Variants in XPC observed in about 807,000 individuals in gnomAD.
XPC encodes the protein DNA repair protein complementing XP-C cells.
XPC carries 76 observed loss-of-function variants against 95.8 expected under a neutral mutation model. The observed-to-expected ratio is 0.79, with a 90% CI of 0.66 to 0.96. The LOEUF (loss-of-function observed/expected upper bound fraction) is 0.96, where lower values mean the gene tolerates loss of function less well. Among genes scored for constraint, XPC ranks in the 40% least tolerant of loss-of-function variants. The pLI, the probability that XPC is intolerant of heterozygous loss-of-function variation, is 0.00. For synonymous variants in XPC, 442 were observed against 442.1 expected (o/e 1.00, Z 0.00); for missense variants, 1,146 against 1,179.8 (o/e 0.97, Z 0.42).
intron 9 of XPC, among the ~76,000 whole-genome samples, chr3:14,157,287 C>T (rs1695955366): frequency 6.6e-6 from 1 of 152,118 alleles, no homozygotes. Context: ...ATGCATTGCA[C>T]TCCTATAGGA....
chr3:14,176,439 T>C (rs111956892), intron 1 of XPC, among the ~76,000 whole-genome samples: 3 of 152,358 alleles, frequency 2.0e-5, no homozygotes, highest in African/African-American at 7.2e-5. Context: ...TTCCACAATA[T>C]TTAGCACACT....
intron 6 of XPC, 48 bp downstream of exon 6, chr3:14,165,380 C>A: frequency 6.6e-7 from 1 of 1,525,614 alleles, no homozygotes; most frequent in Non-Finnish European, 8.8e-7. Flanking sequence ...CTGAGAGAAA[C>A]ACAAATCCTA....
At chr3:14,162,530 T>C (rs185549396) in intron 7 of XPC, among the ~76,000 whole-genome samples, 370 of 152,246 alleles carry the variant, frequency 2.4e-3, no homozygotes, top group Non-Finnish European at 3.6e-3. Context: ...CCAAGCCCCA[T>C]TGAAAAAATT....
chr3:14,157,875 T>C (rs1455831867), intron 9 of XPC, 136 bp downstream of exon 9: 1 of 1,284,344 alleles, frequency 7.8e-7, no homozygotes, highest in Non-Finnish European at 1.1e-6. Context: ...CCCAGCTTTA[T>C]ATGGCTGTGA....
rs187340581 is a variant in XPC at position 14,158,752 on chromosome 3, G to A, written c.1131C>T (p.Cys377=). Residue 377 remains cysteine (C), a synonymous_variant, in exon 9 of 16, where the codon TGC becomes TGT. Transcript: ENST00000285021. The surrounding 1 kb of genome is among the most constrained non-coding windows in gnomAD (Gnocchi z 5.2). ...KQEETFAKGT[C]RPSAKGKRNK... ...TCCTCTTCCCTTTGGCACTTGGCCTGCAGGTGCCCTTAGCAAAGGTTTCCT... is the reference window on the plus strand; with the variant it reads ...TCCTCTTCCCTTTGGCACTTGGCCTACAGGTGCCCTTAGCAAAGGTTTCCT... 62 of 1,613,900 alleles carry A rather than the reference G, an allele frequency of 3.8e-5. No homozygotes were observed. The highest frequency in any genetic ancestry group is 5.1e-5 in the Non-Finnish European group (60 of 1,179,872).
Position 14,145,597 on chromosome 3 carries a change from TAC to T in XPC, c.*342_*343del. 1 of 699,518 alleles carries T rather than the reference TAC, an allele frequency of 1.4e-6. No individual in the cohort carries two copies. The highest frequency in any genetic ancestry group is 2.6e-6 in the Non-Finnish European group (1 of 384,758). 43.3% of individuals were successfully genotyped at this position (699,518 alleles called of 1,614,324 possible). On this transcript the variant is annotated 3_prime_UTR_variant, in exon 16 of 16. Coordinates refer to ENST00000285021, the MANE Select transcript of XPC (RefSeq NM_004628.5). ...TCCAGAAATCTCCCGGTGGCTTCCATACAAAAACTGATGTTTCTAAAGATGGA... is the reference window on the plus strand; with the variant it reads ...TCCAGAAATCTCCCGGTGGCTTCCATAAAAACTGATGTTTCTAAAGATGGA...
intron 7 of XPC, 93 bp downstream of exon 7, chr3:14,164,720 G>A (rs936133079): frequency 3.6e-5 from 48 of 1,338,904 alleles, no homozygotes; most frequent in Admixed American, 3.5e-4. Context: ...AGGTAGTGTC[G>A]GTAACACACC....
rs1026334079 is a variant in XPC, at chr3:14,168,378, G to C, written c.415C>G (p.Leu139Val). The change falls in exon 4 of 16, where the codon CTT (leucine) becomes GTT (valine). Residue 139 changes from leucine to valine, a missense_variant and splice_region_variant. Physicochemically the swap from Leu to Val is conservative, Grantham distance 32 (BLOSUM62 1). Transcript: ENST00000285021. ...SENDWEEVEE[L>V]SEPVLGDVRE... ...ACGTCACCCAGCACAGGCTCACTAA[G>C]TTCTATCAACAAGCATTTTTAAAAA... 1 of 1,613,566 alleles carries C rather than the reference G, an allele frequency of 6.2e-7. No homozygotes were observed. Among genetic ancestry groups the C allele is most frequent in the African/African-American group, 1.3e-5 (1 of 74,888 alleles).
At chr3:14,147,096 C>T (rs1176813433) in intron 15 of XPC, among the ~76,000 whole-genome samples, 194 bp downstream of exon 15, 2 of 152,188 alleles carry the variant, frequency 1.3e-5, no homozygotes, top group Non-Finnish European at 2.9e-5. Flanking sequence ...GAAGAGCCAG[C>T]TGAGGCCTCA....
At chr3:14,146,713 C>T (rs1231240112) in intron 15 of XPC, among the ~76,000 whole-genome samples, 1 of 152,208 alleles carries the variant, frequency 6.6e-6, no homozygotes, top group African/African-American at 2.4e-5. Flanking sequence ...GGCAAACAGG[C>T]AGCACAGAGG....
Position 14,178,519 on chromosome 3 carries a change from C to A in XPC, c.50G>T (p.Arg17Leu), listed in dbSNP as rs1696937922. 2 of 1,612,748 alleles carry A rather than the reference C, an allele frequency of 1.2e-6. No individual in the cohort carries two copies. The highest frequency in any genetic ancestry group is 4.5e-5 in the East Asian group (2 of 44,890). ...AGGEPRGREL[R>L]SQKSKAKSKA... The stretch of plus-strand genomic sequence containing the variant: ...GCTCTTGGCCTTGGATTTCTGGCTG[C>A]GCAGTTCGCGTCCCCGCGGCTCCCC... The change falls in exon 1 of 16, where the codon CGC becomes CTC. Residue 17 changes from arginine to leucine, a missense_variant. Arg to Leu is a moderately radical substitution (Grantham distance 102). Coordinates refer to ENST00000285021, the MANE Select transcript of XPC (RefSeq NM_004628.5).
intron 9 of XPC, among the ~76,000 whole-genome samples, chr3:14,157,209 A>G (rs943206566): frequency 1.3e-5 from 2 of 152,186 alleles, no homozygotes; most frequent in Non-Finnish European, 2.9e-5. Flanking sequence ...AAATGAACTT[A>G]GTAATGCACC....
chr3:14,156,944 G>C (rs1695939551), intron 9 of XPC, among the ~76,000 whole-genome samples: 1 of 152,218 alleles, frequency 6.6e-6, no homozygotes, highest in African/African-American at 2.4e-5. Flanking sequence ...CACTATGACA[G>C]TGTTCTCTCT....
chr3:14,148,216 G>A, intron 13 of XPC: 1 of 584,588 alleles, frequency 1.7e-6, no homozygotes, highest in South Asian at 2.2e-5. Context: ...AAGAAAGCTG[G>A]GGTGAAAGCC....
chr3:14,155,840 G>A (rs960671947), intron 10 of XPC, among the ~76,000 whole-genome samples: 2 of 152,160 alleles, frequency 1.3e-5, no homozygotes, highest in African/African-American at 4.8e-5. Context: ...TTACAAGCGT[G>A]AGCCACCGCG....
Position 14,168,291 on chromosome 3 carries a change from C to T in XPC, c.502G>A (p.Glu168Lys). The T allele has an allele frequency of 6.2e-7, 1 of 1,613,642 alleles. No homozygotes were observed. The change falls in exon 4 of 16, where the codon GAA (glutamate) becomes AAA (lysine). Residue 168 changes from glutamate to lysine, a missense_variant. Coordinates refer to ENST00000285021, the MANE Select transcript of XPC (RefSeq NM_004628.5). ...CTTGTCTTCGCCTGCTCTGGCGTTT[C>T]AATCTCTATCTCCACTGGCTTCACA... ...LPVKPVEIEI[E>K]TPEQAKTRER...
At position 14,158,560 on chromosome 3, in the gene XPC, G is replaced by A. The variant is rs776260342; in HGVS notation, c.1323C>T (p.Ser441=). ...KEESGSDEAG[S]GSDFELSSGE... ...CACTGGAGAGCTCAAAATCAGAGCC[G>A]CTGCCAGCCTCATCACTCCCACTCT... The change falls in exon 9 of 16, where the codon AGC becomes AGT. Residue 441 remains serine, a synonymous_variant. Coordinates refer to ENST00000285021, the MANE Select transcript of XPC (RefSeq NM_004628.5). This position sits in a 1 kb window ranked among gnomAD's most constrained non-coding sequence, Gnocchi z 5.2. The A allele has an allele frequency of 1.1e-5, 17 of 1,613,134 alleles. No individual in the cohort carries two copies. Among genetic ancestry groups the A allele is most frequent in the Admixed American group, 8.3e-5 (5 of 59,992 alleles).
rs776547561 is a variant in XPC, at chr3:14,145,149, T to C, written c.*792A>G. ...GAAAGAAAATATAGAGCCAAATCTT[T>C]AGATAAATGCTTTATTATTTTCTCA... On this transcript the variant is annotated 3_prime_UTR_variant, in exon 16 of 16. Coordinates refer to ENST00000285021, the MANE Select transcript of XPC (RefSeq NM_004628.5). 2.0e-4 allele frequency: 101 copies of C among 502,150 alleles called. No individual in the cohort carries two copies. The highest frequency in any genetic ancestry group is 5.6e-5 in the Non-Finnish European group (16 of 284,620). 31.1% of individuals were successfully genotyped at this position (502,150 alleles called of 1,614,324 possible).
At chr3:14,176,480 T>C (rs1170236598) in intron 1 of XPC, among the ~76,000 whole-genome samples, 1 of 152,248 alleles carries the variant, frequency 6.6e-6, no homozygotes, top group East Asian at 1.9e-4. Context: ...GTAAATGTCA[T>C]GTCAACACTA....
Sources: allele counts gnomAD v4.1 joint callset (sites outside exome capture counted in the v4.1 genomes callset), GRCh38; gene constraint gnomAD v4.1.1; non-coding constraint Gnocchi (gnomAD v3.1); transcripts MANE v1.5; gene names NCBI Gene and HGNC (gene_info 2026-07-23, HGNC 2026-07-21).